POLD1: variants seen among roughly 807,000 people sequenced by gnomAD.
POLD1 encodes DNA polymerase delta catalytic subunit.
In POLD1, 79 loss-of-function variants were observed where a neutral mutation model predicts 129.7. The observed-to-expected ratio is 0.61, with a 90% CI of 0.51 to 0.73. The LOEUF (loss-of-function observed/expected upper bound fraction) is 0.73, where lower values mean the gene tolerates loss of function less well. Ranked by LOEUF, POLD1 falls within the 30% of genes least tolerant of loss-of-function variation. The pLI, the probability that POLD1 is intolerant of heterozygous loss-of-function variation, is 0.00. For missense variants in POLD1, 1,338 were observed against 1,595.8 expected (o/e 0.84, Z 2.75); for synonymous variants, 714 against 683.3 (o/e 1.04, Z -0.70).
intron 3 of POLD1, among the ~76,000 whole-genome samples, chr19:50,401,391 A>ATATATTTT (rs1334231607): frequency 1.7e-4 from 11 of 65,954 alleles, no homozygotes; most frequent in African/African-American, 2.1e-4. Flanking sequence ...ATATATATAT[A>ATATATTTT]TTTTTTTTTT....
Position 50,401,855 on chromosome 19 carries a change from G to T in POLD1, c.394G>T (p.Asp132Tyr). 2 of 1,613,950 alleles carry T rather than the reference G, an allele frequency of 1.2e-6. No homozygotes were observed. Among genetic ancestry groups the T allele is most frequent in the East Asian group, 2.2e-5 (1 of 44,854 alleles). Residue 132 changes from aspartate to tyrosine, a missense_variant, in exon 4 of 27, where the codon GAT becomes TAT. By Grantham distance (160) the Asp-to-Tyr change is radical. Transcript: ENST00000440232. ...TGTGCTCCGCGCCTTCGGGGTCACC[G>T]ATGAGGGGTTCTCTGTCTGCTGCCA... ...VPVLRAFGVTDEGFSVCCHIH... is the reference protein window; with the variant it reads ...VPVLRAFGVTYEGFSVCCHIH...
In POLD1 at chr19:50,402,036, G is replaced by A. The variant is rs2122238157; in HGVS notation, c.501G>A (p.Glu167=). The A allele has an allele frequency of 1.2e-6, 2 of 1,614,122 alleles. No homozygotes were observed. The highest frequency in any genetic ancestry group is 1.7e-6 in the Non-Finnish European group (2 of 1,179,986). The change falls in exon 5 of 27, where the codon GAG becomes GAA. Residue 167 remains glutamate, a synonymous_variant. Transcript: ENST00000440232. ...AGCACATGGGTGACCTGCAACGGGA[G>A]CTGAACTTGGCCATCAGCCGGGACA... ...GPEHMGDLQR[E]LNLAISRDSR...
intron 24 of POLD1, 83 bp downstream of exon 24, chr19:50,416,806 G>T: frequency 8.7e-7 from 1 of 1,151,608 alleles, no homozygotes; most frequent in South Asian, 1.5e-5. Context: ...CACCCCATCG[G>T]CTGGCACTGC....
intron 3 of POLD1, among the ~76,000 whole-genome samples, chr19:50,400,822 G>T (rs553100595): frequency 6.7e-6 from 1 of 150,348 alleles, no homozygotes; most frequent in Non-Finnish European, 1.5e-5. Context: ...TCAGCCTCCC[G>T]AGTTGCTGGG....
chr19:50,408,209 C>G (rs1167039524), intron 14 of POLD1, among the ~76,000 whole-genome samples: 1 of 150,968 alleles, frequency 6.6e-6, no homozygotes, highest in Non-Finnish European at 1.5e-5. Context: ...GTGGCGGGCG[C>G]CTGCAGTGCC....
intron 1 of POLD1, among the ~76,000 whole-genome samples, chr19:50,393,805 A>G (rs765633717): frequency 6.6e-6 from 1 of 152,132 alleles, no homozygotes; most frequent in African/African-American, 2.4e-5. Context: ...GTCACTCCTC[A>G]TTCCCCCAGT....
intron 17 of POLD1, 42 bp from the exon 18 acceptor site, chr19:50,413,384 T>C (rs756911605): frequency 2.6e-6 from 4 of 1,556,974 alleles, no homozygotes; most frequent in Non-Finnish European, 3.5e-6. Context: ...TCACTGCACA[T>C]GGCCCCCAGG....
intron 3 of POLD1, among the ~76,000 whole-genome samples, chr19:50,401,175 G>A (rs1254043967): frequency 6.6e-6 from 1 of 150,574 alleles, no homozygotes; most frequent in Non-Finnish European, 1.5e-5. Context: ...TGTAATCTCA[G>A]CTGTTCAGGT....
At chr19:50,403,806 G>A (rs1042011549) in intron 10 of POLD1, among the ~76,000 whole-genome samples, 1 of 152,344 alleles carries the variant, frequency 6.6e-6, no homozygotes, top group African/African-American at 2.4e-5. Context: ...CAAGGAGGGC[G>A]TTACGGTGGA....
chr19:50,385,808 C>A (rs549559091), intron 1 of POLD1, among the ~76,000 whole-genome samples: 2 of 151,752 alleles, frequency 1.3e-5, no homozygotes, highest in Admixed American at 1.3e-4. Flanking sequence ...GGATTACAGG[C>A]GTGAGCCACC....
chr19:50,406,399 C>A lies in POLD1; in HGVS notation c.1384-8C>A, dbSNP rs878854521. ...GCCCGCAGCCCACCAGCCCACCCAC[C>A]CACCTAGGTGCTGCTGCGGGAGTAC... is the stretch of plus-strand genomic sequence containing the variant. On this transcript the variant is annotated splice_polypyrimidine_tract_variant and splice_region_variant and intron_variant, in intron 11 of 26. Transcript: ENST00000440232. This position sits in a 1 kb window ranked among gnomAD's most constrained non-coding sequence, Gnocchi z 5.5. 6.2e-7 allele frequency: 1 copy of A among 1,606,386 alleles called. No individual in the cohort carries two copies. The highest frequency in any genetic ancestry group is 8.5e-7 in the Non-Finnish European group (1 of 1,176,174).
chr19:50,415,293 C>T, intron 20 of POLD1, 145 bp from the exon 21 acceptor site: 1 of 810,820 alleles, frequency 1.2e-6, no homozygotes, highest in Non-Finnish European at 1.9e-6. Flanking sequence ...CTCTGCCACT[C>T]TGCAGCCTAT....
chr19:50,393,160 G>T (rs2546552), intron 1 of POLD1, among the ~76,000 whole-genome samples: 10,790 of 152,166 alleles, frequency 0.071, 1,272 homozygotes, highest in African/African-American at 0.24. Flanking sequence ...AATTGAGGTG[G>T]CATTTACATG....
At chr19:50,411,409 G>A (rs1458567734) in intron 17 of POLD1, among the ~76,000 whole-genome samples, 1 of 152,190 alleles carries the variant, frequency 6.6e-6, no homozygotes, top group Non-Finnish European at 1.5e-5. Flanking sequence ...CTCCCCTGGG[G>A]CTGCCTCTTA....
chr19:50,392,691 G>A (rs1449005527), intron 1 of POLD1, among the ~76,000 whole-genome samples: 1 of 151,862 alleles, frequency 6.6e-6, no homozygotes, highest in Non-Finnish European at 1.5e-5. Flanking sequence ...TGGTCAGGCT[G>A]GTCTGGAACT....
intron 26 of POLD1, among the ~76,000 whole-genome samples, 171 bp from the exon 27 acceptor site, chr19:50,417,671 T>TCCCCCCCCCCCCCCCCCCCCC (rs3840923): frequency 1.1e-4 from 12 of 110,506 alleles, no homozygotes; most frequent in Non-Finnish European, 1.4e-4. Flanking sequence ...TGTTATCGGC[T>TCCCCCCCCCCCCCCCCCCCCC]CCCCCCCCCC....
rs753812502 is a variant in POLD1, at chr19:50,401,739, T to G, written c.317-39T>G. 2.6e-4 allele frequency: 412 copies of G among 1,607,122 alleles called. No individual in the cohort carries two copies. Among genetic ancestry groups the G allele is most frequent in the Middle Eastern group, 3.4e-4 (2 of 5,914 alleles). Reference sequence around the variant, plus strand: ...TGTGGAGACACACCTTGGAGGACCCTGAGAGGCATGGCCGCTGTCTTACCC... The same window carrying G: ...TGTGGAGACACACCTTGGAGGACCCGGAGAGGCATGGCCGCTGTCTTACCC... On this transcript the variant is annotated intron_variant, in intron 3 of 26. Transcript: ENST00000440232.
intron 14 of POLD1, 105 bp downstream of exon 14, chr19:50,407,520 G>A (rs2038939563): frequency 3.0e-5 from 16 of 531,296 alleles, no homozygotes; most frequent in East Asian, 2.1e-4. Context: ...GCAACATAGC[G>A]AGGCCCCTGC....
chr19:50,385,526 CTTTTTT>C lies in POLD1; in HGVS notation c.-2+1151_-2+1156del, dbSNP rs760846797. On this transcript the variant is annotated intron_variant, in intron 1 of 26. Coordinates refer to ENST00000440232, the MANE Select transcript of POLD1 (RefSeq NM_002691.4). ...AAGGAACTTGTTGCCACTGTCTTCT[CTTTTTT>C]TTTTTTTTTTTTTTGAGACAGAGTC... 1.6e-5 allele frequency among the ~76,000 whole-genome samples: 2 copies of C among 128,926 alleles called. 1 individual carries two copies. The highest frequency in any genetic ancestry group is 6.1e-5 in the African/African-American group (2 of 32,592). 84.6% of individuals were successfully genotyped at this position (128,926 alleles called of 152,430 possible).
Sources: allele counts gnomAD v4.1 joint callset (sites outside exome capture counted in the v4.1 genomes callset), GRCh38; gene constraint gnomAD v4.1.1; non-coding constraint Gnocchi (gnomAD v3.1); transcripts MANE v1.5; gene names NCBI Gene and HGNC (gene_info 2026-07-23, HGNC 2026-07-21).